Variants in ADAMTS18 observed in about 807,000 individuals in gnomAD.
ADAMTS18 encodes the protein ADAM metallopeptidase with thrombospondin type 1 motif 18.
ADAMTS18 carries 157 observed loss-of-function variants against 165.9 expected under a neutral mutation model. That is an observed-to-expected ratio of 0.95 (90% CI 0.83 to 1.08). ADAMTS18 has a LOEUF of 1.08. ADAMTS18 is among the 50% of genes least tolerant of loss of function. The pLI, the probability that ADAMTS18 is intolerant of heterozygous loss-of-function variation, is 0.00. For missense variants in ADAMTS18, 2,040 were observed against 1,534.0 expected, an observed-to-expected ratio of 1.33 and a Z score of -5.51; for synonymous variants, 782 against 578.2, an observed-to-expected ratio of 1.35 and a Z score of -5.06.
intron 3 of ADAMTS18, among the ~76,000 whole-genome samples, chr16:77,413,400 C>T (rs534262390): frequency 6.6e-6 from 1 of 152,326 alleles, no homozygotes; most frequent in South Asian, 2.1e-4. Context: ...TCCTGCCTTT[C>T]TGTGGAAATT....
intron 3 of ADAMTS18, among the ~76,000 whole-genome samples, chr16:77,391,026 A>G (rs7187756): frequency 0.013 from 2,027 of 152,170 alleles, 44 homozygotes; most frequent in African/African-American, 0.047. Flanking sequence ...TCCAATCTCA[A>G]TTGTGCATGA....
intron 3 of ADAMTS18, among the ~76,000 whole-genome samples, chr16:77,394,969 G>A (rs1390865697): frequency 1.3e-5 from 2 of 152,084 alleles, no homozygotes. Flanking sequence ...TTTCTATCTA[G>A]GCTCTCAACA....
intron 3 of ADAMTS18, among the ~76,000 whole-genome samples, chr16:77,382,205 T>C (rs955471284): frequency 1.3e-5 from 2 of 149,748 alleles, no homozygotes; most frequent in South Asian, 2.2e-4. Context: ...TTTTGGTTTT[T>C]TGTTTGTTTG....
intron 22 of ADAMTS18, among the ~76,000 whole-genome samples, chr16:77,285,649 A>G (rs999901519): frequency 6.6e-6 from 1 of 152,202 alleles, no homozygotes; most frequent in African/African-American, 2.4e-5. Context: ...ATGTATTACT[A>G]TTCTGTCAGT....
intron 10 of ADAMTS18, among the ~76,000 whole-genome samples, chr16:77,344,155 G>GTGTATATATATATATATATA (rs369058375): frequency 7.1e-6 from 1 of 140,260 alleles, no homozygotes; most frequent in Non-Finnish European, 1.5e-5. Flanking sequence ...ATGTGTGTGT[G>GTGTATATATATATATATATA]TATATATATA....
chr16:77,359,629 C>T (rs1482999831), intron 7 of ADAMTS18, among the ~76,000 whole-genome samples: 3 of 150,410 alleles, frequency 2.0e-5, no homozygotes, highest in African/African-American at 7.3e-5. Flanking sequence ...TATTTTCTTG[C>T]TTTTGTTACA....
chr16:77,329,903 C>T (rs2056159893), intron 12 of ADAMTS18, among the ~76,000 whole-genome samples: 1 of 152,152 alleles, frequency 6.6e-6, no homozygotes, highest in Non-Finnish European at 1.5e-5. Flanking sequence ...CTATAAAGAG[C>T]ATACCATCAT....
chr16:77,425,633 C>T (rs148037607), intron 3 of ADAMTS18, among the ~76,000 whole-genome samples: 19 of 152,308 alleles, frequency 1.2e-4, no homozygotes, highest in East Asian at 5.8e-4. Context: ...ATTTCCCCAA[C>T]GGGAACACAT....
At chr16:77,285,687 T>TAACA (rs2055236746) in intron 22 of ADAMTS18, among the ~76,000 whole-genome samples, 1 of 152,178 alleles carries the variant, frequency 6.6e-6, no homozygotes, top group African/African-American at 2.4e-5. Flanking sequence ...TTATAATTAC[T>TAACA]AACAGCTGGT....
In ADAMTS18 at chr16:77,289,376, C is replaced by T. The variant is rs1302433244; in HGVS notation, c.3438G>A (p.Arg1146=). ...TVTCGGGVQT[R]SVHCVQQGRP... ...GGCCTTGCTGAACACAGTGGACTGA[C>T]CGGGTCTGGACCCCTCCCCCACAGG... is the stretch of plus-strand genomic sequence containing the variant. Residue 1146 remains arginine, a synonymous_variant, in exon 22 of 23, where the codon CGG becomes CGA. Coordinates refer to ENST00000282849, the MANE Select transcript of ADAMTS18 (RefSeq NM_199355.4). 2.5e-6 allele frequency: 4 copies of T among 1,613,982 alleles called. No homozygotes were observed. Among genetic ancestry groups the T allele is most frequent in the Non-Finnish European group, 2.5e-6 (3 of 1,180,022 alleles).
chr16:77,300,194 G>A (rs1434988283), intron 17 of ADAMTS18, 69 bp downstream of exon 17: 2 of 1,582,426 alleles, frequency 1.3e-6, no homozygotes, highest in African/African-American at 2.7e-5. Flanking sequence ...TTATGTTAAA[G>A]ACGCCTGGAG....
In ADAMTS18 at chr16:77,325,955, A is replaced by G. The variant is rs760626208; in HGVS notation, c.1943T>C (p.Leu648Ser). ...TGCACACTGTTGAGCCCGAAAATCC[A>G]AGCTATTTTCATTGCAAGGGTTAAT... ...CNINPCNENSLDFRAQQCAEY... is the reference protein window; with the variant it reads ...CNINPCNENSSDFRAQQCAEY... Residue 648 changes from leucine (L) to serine (S), a missense_variant, in exon 13 of 23, where the codon TTG becomes TCG. By Grantham distance (145) the Leu-to-Ser change is moderately radical. Coordinates refer to ENST00000282849, the MANE Select transcript of ADAMTS18 (RefSeq NM_199355.4). 2 of 1,614,050 alleles carry G rather than the reference A, an allele frequency of 1.2e-6. No homozygotes were observed. Among genetic ancestry groups the G allele is most frequent in the Admixed American group, 3.3e-5 (2 of 60,004 alleles).
rs77618698 is a variant in ADAMTS18 at position 77,320,793 on chromosome 16, C to G, written c.2287+286G>C. Among the ~76,000 whole-genome samples, 62 of 152,330 alleles carry G rather than the reference C, an allele frequency of 4.1e-4. No homozygotes were observed. In the East Asian group the frequency reaches 0.011, roughly 26 times the overall value. ...CTGTGAGTAGAGATCACATAAGTTT[C>G]ACAATGTTTCTTTGCTTAACAAATG... On this transcript the variant is annotated intron_variant, in intron 15 of 22. Coordinates refer to ENST00000282849, the MANE Select transcript of ADAMTS18 (RefSeq NM_199355.4).
chr16:77,357,826 G>T (rs779661057), intron 8 of ADAMTS18, among the ~76,000 whole-genome samples: 1 of 152,188 alleles, frequency 6.6e-6, no homozygotes, highest in Non-Finnish European at 1.5e-5. Context: ...ACTTAGGTAT[G>T]TATTTTATTT....
At chr16:77,309,293 A>G (rs1199785380) in intron 16 of ADAMTS18, among the ~76,000 whole-genome samples, 1 of 152,090 alleles carries the variant, frequency 6.6e-6, no homozygotes, top group Non-Finnish European at 1.5e-5. Context: ...AGTCACTTAT[A>G]TGCATATATG....
At chr16:77,347,010 A>C (rs1443315143) in intron 10 of ADAMTS18, among the ~76,000 whole-genome samples, 1 of 152,200 alleles carries the variant, frequency 6.6e-6, no homozygotes, top group African/African-American at 2.4e-5. Context: ...TCGGTCACCA[A>C]TAGGTGAGTG....
intron 16 of ADAMTS18, among the ~76,000 whole-genome samples, chr16:77,306,984 T>C (rs7206674): frequency 0.29 from 44,819 of 152,106 alleles, 7,187 homozygotes; most frequent in East Asian, 0.62. Flanking sequence ...CTGTGTTAAC[T>C]GCTGGAAAGA....
chr16:77,306,962 A>C (rs1427344712), intron 16 of ADAMTS18, among the ~76,000 whole-genome samples: 1 of 152,174 alleles, frequency 6.6e-6, no homozygotes, highest in Admixed American at 6.5e-5. Flanking sequence ...TTCTAATTTA[A>C]AATTCTAAAA....
intron 9 of ADAMTS18, among the ~76,000 whole-genome samples, 178 bp from the exon 10 acceptor site, chr16:77,354,064 G>A (rs1306825138): frequency 2.0e-5 from 3 of 152,156 alleles, no homozygotes; most frequent in African/African-American, 4.8e-5. Flanking sequence ...CTAAGAGGAT[G>A]GAATGTACAC....
Sources: allele counts gnomAD v4.1 joint callset (sites outside exome capture counted in the v4.1 genomes callset), GRCh38; gene constraint gnomAD v4.1.1; transcripts MANE v1.5; gene names NCBI Gene and HGNC (gene_info 2026-07-23, HGNC 2026-07-21).